ZNF532: variants seen among roughly 807,000 people sequenced by gnomAD.
The protein encoded by ZNF532 is zinc finger protein 532.
In ZNF532, 22 loss-of-function variants were observed where a neutral mutation model predicts 89.3. The observed-to-expected ratio is 0.25, with a 90% CI of 0.18 to 0.35. ZNF532 has a LOEUF of 0.35. Ranked by LOEUF, ZNF532 falls within the 10% of genes least tolerant of loss-of-function variation. The pLI, the probability that ZNF532 is intolerant of heterozygous loss-of-function variation, is 1.00. For missense variants in ZNF532, 1,132 were observed against 1,643.4 expected, an observed-to-expected ratio of 0.69 and a Z score of 5.38; for synonymous variants, 606 against 649.6, an observed-to-expected ratio of 0.93 and a Z score of 1.02.
At chr18:58,944,157 C>T (rs1056404309) in intron 5 of ZNF532, among the ~76,000 whole-genome samples, 1 of 151,964 alleles carries the variant, frequency 6.6e-6, no homozygotes, top group Admixed American at 6.6e-5. Context: ...GTGCTTTGCC[C>T]CTAGTTGGAT....
intron 2 of ZNF532, among the ~76,000 whole-genome samples, chr18:58,908,134 T>A (rs1331949807): frequency 6.6e-6 from 1 of 152,254 alleles, no homozygotes; most frequent in Non-Finnish European, 1.5e-5. Flanking sequence ...TAAATATCAG[T>A]AGCCCCTTTC....
chr18:58,963,266 T>A (rs2065544518), intron 7 of ZNF532, among the ~76,000 whole-genome samples: 1 of 152,200 alleles, frequency 6.6e-6, no homozygotes, highest in Admixed American at 6.5e-5. Flanking sequence ...TTAAGAAAAG[T>A]CCATAGATTT....
intron 2 of ZNF532, among the ~76,000 whole-genome samples, chr18:58,888,740 A>AG (rs1388472864): frequency 1.8e-5 from 1 of 54,268 alleles, no homozygotes; most frequent in Non-Finnish European, 2.9e-5. Flanking sequence ...ATATATATAT[A>AG]TTTTATATAT....
chr18:58,875,659 T>C (rs569586431), intron 2 of ZNF532, among the ~76,000 whole-genome samples: 6 of 152,302 alleles, frequency 3.9e-5, no homozygotes, highest in Admixed American at 3.9e-4. Context: ...GGATGCCTTA[T>C]ACTTACTGTC....
At chr18:58,980,120 A>C (rs1464151832) in intron 8 of ZNF532, 2 of 152,248 alleles carry the variant, frequency 1.3e-5, no homozygotes, top group Non-Finnish European at 2.9e-5. Flanking sequence ...GACCCTATGG[A>C]TCAGGAGACT....
chr18:58,885,303 T>G (rs1023107326), intron 2 of ZNF532, among the ~76,000 whole-genome samples: 3 of 152,168 alleles, frequency 2.0e-5, no homozygotes, highest in African/African-American at 7.2e-5. Flanking sequence ...GTTTTTTTGT[T>G]TTTGTTTTTT....
chr18:58,972,755 C>T (rs1236976995), intron 7 of ZNF532, among the ~76,000 whole-genome samples: 1 of 152,204 alleles, frequency 6.6e-6, no homozygotes, highest in Non-Finnish European at 1.5e-5. Flanking sequence ...CGTATTTAAA[C>T]ACCGTCATGT....
chr18:58,884,625 G>A (rs2058157406), intron 2 of ZNF532, among the ~76,000 whole-genome samples: 1 of 152,186 alleles, frequency 6.6e-6, no homozygotes, highest in Non-Finnish European at 1.5e-5. Flanking sequence ...CTACTAAAAA[G>A]CATGGTACTT....
intron 2 of ZNF532, among the ~76,000 whole-genome samples, chr18:58,874,288 C>G (rs1385740697): frequency 2.0e-5 from 3 of 152,050 alleles, no homozygotes; most frequent in African/African-American, 2.4e-5. Flanking sequence ...CTTGGCTCTA[C>G]TTTCATTTGT....
intron 2 of ZNF532, among the ~76,000 whole-genome samples, chr18:58,907,247 A>G (rs973881156): frequency 5.9e-5 from 9 of 151,932 alleles, no homozygotes; most frequent in African/African-American, 1.9e-4. Context: ...GTGCAGTGGC[A>G]TGATCTCGGC....
chr18:58,909,197 C>T (rs537348094), intron 2 of ZNF532, among the ~76,000 whole-genome samples: 2 of 152,294 alleles, frequency 1.3e-5, no homozygotes, highest in East Asian at 3.9e-4. Context: ...AGGTGATCCG[C>T]CCACCTCAGC....
chr18:58,962,254 A>G (rs1007386698), intron 7 of ZNF532, among the ~76,000 whole-genome samples: 4 of 152,030 alleles, frequency 2.6e-5, no homozygotes, highest in African/African-American at 9.7e-5. Flanking sequence ...TCTAGGGCCA[A>G]TGTGACCTTT....
chr18:58,977,528 G>A (rs2067196563), intron 7 of ZNF532: 2 of 152,214 alleles, frequency 1.3e-5, no homozygotes, highest in Non-Finnish European at 2.9e-5. Context: ...TGTTTGTCAA[G>A]CGGTTATGGG....
intron 7 of ZNF532, among the ~76,000 whole-genome samples, chr18:58,973,864 T>C (rs949546883): frequency 2.0e-5 from 3 of 152,138 alleles, no homozygotes; most frequent in Non-Finnish European, 4.4e-5. Flanking sequence ...TGTATTATGC[T>C]GAGTGAAAGA....
chr18:58,950,862 C>T (rs2064090610), intron 6 of ZNF532, among the ~76,000 whole-genome samples: 1 of 152,162 alleles, frequency 6.6e-6, no homozygotes, highest in Non-Finnish European at 1.5e-5. Flanking sequence ...CAGGCTGAAC[C>T]TCTGGTCTCA....
chr18:58,980,793 C>G (rs948225694), intron 8 of ZNF532: 1 of 152,326 alleles, frequency 6.6e-6, no homozygotes, highest in Non-Finnish European at 1.5e-5. Context: ...CAGGCATGCA[C>G]CACCATGCCC....
At chr18:58,971,394 G>C (rs551978354) in intron 7 of ZNF532, among the ~76,000 whole-genome samples, 7 of 152,314 alleles carry the variant, frequency 4.6e-5, no homozygotes, top group African/African-American at 1.7e-4. Flanking sequence ...TATTGAATGT[G>C]AAACAGTGGT....
chr18:58,958,659 A>G (rs12457705), intron 7 of ZNF532, among the ~76,000 whole-genome samples: 32,131 of 152,178 alleles, frequency 0.21, 4,345 homozygotes, highest in Middle Eastern at 0.37. Flanking sequence ...TTACTTGCAC[A>G]TATGGGAAGG....
chr18:58,977,439 A>G (rs2067187471), intron 7 of ZNF532: 1 of 152,184 alleles, frequency 6.6e-6, no homozygotes, highest in African/African-American at 2.4e-5. Flanking sequence ...CATGAGGCAG[A>G]GACCAGGTGC....
Sources: gnomAD v4.1 joint callset for allele counts (sites outside exome capture counted in the v4.1 genomes callset) on GRCh38, gnomAD v4.1.1 for gene constraint, MANE v1.5 for transcripts, NCBI Gene and HGNC (gene_info 2026-07-23, HGNC 2026-07-21) for gene names.